Variants in CELF2 observed in about 807,000 individuals in gnomAD.
CELF2 encodes the protein CUGBP Elav-like family member 2.
CELF2 carries 8 observed loss-of-function variants against 62.6 expected under a neutral mutation model. The ratio of observed to expected loss-of-function variants is 0.13; its 90% CI spans 0.07 to 0.23. CELF2 has a LOEUF of 0.23. CELF2 is among the 10% of genes least tolerant of loss of function. The pLI, the probability that CELF2 is intolerant of heterozygous loss-of-function variation, is 1.00. For synonymous variants in CELF2, 258 were observed against 250.0 expected, an observed-to-expected ratio of 1.03 and a Z score of -0.30; for missense variants, 333 against 671.0, an observed-to-expected ratio of 0.50 and a Z score of 5.56.
intron 1 of CELF2, among the ~76,000 whole-genome samples, chr10:10,860,719 G>T (rs772234597): frequency 6.6e-6 from 1 of 152,214 alleles, no homozygotes; most frequent in African/African-American, 2.4e-5. Context: ...AACGTGGCAG[G>T]CAGTATTTAT....
At chr10:10,669,941 C>T in the CELF2 span, among the ~76,000 whole-genome samples, 1 of 127,736 alleles carries the variant, frequency 7.8e-6, no homozygotes, top group South Asian at 2.6e-4. Context: ...TTGCTCTTGT[C>T]ACTCAGGCTG....
the CELF2 span, among the ~76,000 whole-genome samples, chr10:10,751,018 G>A: frequency 1.3e-5 from 2 of 152,214 alleles, no homozygotes; most frequent in African/African-American, 2.4e-5. Context: ...ATAATTGTTT[G>A]AGGATTTCGA....
chr10:10,685,790 A>C, the CELF2 span, among the ~76,000 whole-genome samples: 1 of 152,306 alleles, frequency 6.6e-6, no homozygotes, highest in African/African-American at 2.4e-5. Flanking sequence ...TACTTTCATG[A>C]GCTAAATAAA....
At chr10:10,630,441 G>A in the CELF2 span, among the ~76,000 whole-genome samples, 5 of 152,140 alleles carry the variant, frequency 3.3e-5, no homozygotes, top group Non-Finnish European at 7.3e-5. Flanking sequence ...AGACCACTGG[G>A]ATCTCTATCT....
chr10:10,486,990 A>G, the CELF2 span, among the ~76,000 whole-genome samples: 2 of 152,284 alleles, frequency 1.3e-5, no homozygotes, highest in Admixed American at 1.3e-4. Flanking sequence ...ATAAAATTAA[A>G]TTTCCCTGTC....
At chr10:11,175,292 G>A (rs924569155) in intron 2 of CELF2, among the ~76,000 whole-genome samples, 6 of 152,070 alleles carry the variant, frequency 3.9e-5, no homozygotes, top group African/African-American at 1.4e-4. Context: ...AGGTCTAGGA[G>A]GTTAACTTAA....
intron 1 of CELF2, among the ~76,000 whole-genome samples, chr10:10,813,029 C>G (rs527414930): frequency 1.6e-4 from 25 of 152,316 alleles, no homozygotes; most frequent in Admixed American, 9.1e-4. Context: ...CGAATCCCAC[C>G]TCTGAGTGAT....
intron 1 of CELF2, among the ~76,000 whole-genome samples, chr10:11,103,272 G>A (rs929097303): frequency 6.6e-5 from 10 of 151,252 alleles, no homozygotes; most frequent in South Asian, 4.2e-4. Context: ...GCTTCTGTTC[G>A]TCATTCAAGA....
At chr10:10,726,298 G>T in the CELF2 span, among the ~76,000 whole-genome samples, 1 of 152,150 alleles carries the variant, frequency 6.6e-6, no homozygotes, top group Non-Finnish European at 1.5e-5. Flanking sequence ...TTTGGCTGGT[G>T]TCCAGGGGTC....
At chr10:10,634,204 ATTTC>A in the CELF2 span, among the ~76,000 whole-genome samples, 1 of 152,054 alleles carries the variant, frequency 6.6e-6, no homozygotes, top group Admixed American at 6.5e-5. Flanking sequence ...TACATTTTTT[ATTTC>A]TTTAAGTTTT....
In CELF2 at chr10:11,280,391, C is replaced by T. The variant is rs2087944154; in HGVS notation, c.841+5271C>T. Among the ~76,000 whole-genome samples, 1 of 152,128 alleles carries T rather than the reference C, an allele frequency of 6.6e-6. No individual in the cohort carries two copies. Among genetic ancestry groups the T allele is most frequent in the African/African-American group, 2.4e-5 (1 of 41,428 alleles). ...TCACCCAGATGCCCTGGCTGGTGTC[C>T]GCACATCAGGCCAGTGCCTTTCCCC... is the stretch of plus-strand genomic sequence containing the variant. On this transcript the variant is annotated intron_variant, in intron 8 of 12. Transcript: ENST00000633077. The surrounding 1 kb of genome is among the most constrained non-coding windows in gnomAD (Gnocchi z 7.6).
At chr10:10,636,938 C>T in the CELF2 span, among the ~76,000 whole-genome samples, 3 of 152,128 alleles carry the variant, frequency 2.0e-5, no homozygotes, top group Non-Finnish European at 2.9e-5. Flanking sequence ...CGTGTCTCCT[C>T]CTAGGGATTA....
chr10:10,462,615 C>CT, the CELF2 span, among the ~76,000 whole-genome samples: 21,125 of 69,270 alleles, frequency 0.3, 2,820 homozygotes, highest in Non-Finnish European at 0.36. Flanking sequence ...TTTTTTTCAT[C>CT]TTTTTTTTTT....
At chr10:11,235,385 G>C (rs1023244254) in intron 3 of CELF2, among the ~76,000 whole-genome samples, 1 of 152,082 alleles carries the variant, frequency 6.6e-6, no homozygotes, top group African/African-American at 2.4e-5. Context: ...TTTCAGTTAC[G>C]TGCGGTATAT....
chr10:11,201,768 T>G (rs2059265559), intron 2 of CELF2, among the ~76,000 whole-genome samples: 1 of 152,222 alleles, frequency 6.6e-6, no homozygotes, highest in South Asian at 2.1e-4. Flanking sequence ...CTGGAAAGCC[T>G]GAGCTGAGGG....
chr10:11,170,789 A>G (rs1048432673), intron 2 of CELF2, among the ~76,000 whole-genome samples: 1 of 152,194 alleles, frequency 6.6e-6, no homozygotes, highest in African/African-American at 2.4e-5. Context: ...TAGATAAATT[A>G]TGTGCTTTGG....
rs983226834 is a variant in CELF2, at chr10:11,309,734, CCT to C, written c.977-4400_977-4399del. Reference sequence around the variant, plus strand: ...TCTTTCTGGCTGTCCCTTTCCCTGCCCTCTCTGCTAAGCTTTCAGCTGGTCTA... The same window carrying C: ...TCTTTCTGGCTGTCCCTTTCCCTGCCCTCTGCTAAGCTTTCAGCTGGTCTA... On this transcript the variant is annotated intron_variant, in intron 9 of 12. Coordinates refer to ENST00000633077, the MANE Select transcript of CELF2 (RefSeq NM_001326342.2). The surrounding 1 kb of genome is among the most constrained non-coding windows in gnomAD (Gnocchi z 5.6). Among the ~76,000 whole-genome samples, 1 of 152,154 alleles carries C rather than the reference CCT, an allele frequency of 6.6e-6. No individual in the cohort carries two copies. Among genetic ancestry groups the C allele is most frequent in the African/African-American group, 2.4e-5 (1 of 41,438 alleles).
At chr10:10,627,873 T>C in the CELF2 span, among the ~76,000 whole-genome samples, 2 of 152,208 alleles carry the variant, frequency 1.3e-5, no homozygotes, top group African/African-American at 4.8e-5. Flanking sequence ...ACATATTATT[T>C]GGAACCATGC....
At chr10:10,850,423 C>T (rs1687049217) in intron 1 of CELF2, among the ~76,000 whole-genome samples, 1 of 152,190 alleles carries the variant, frequency 6.6e-6, no homozygotes, top group Non-Finnish European at 1.5e-5. Flanking sequence ...AGACATGGCC[C>T]TTGAGTATTG....
Sources: gnomAD v4.1 joint callset for allele counts (sites outside exome capture counted in the v4.1 genomes callset) on GRCh38, gnomAD v4.1.1 for gene constraint, Gnocchi (gnomAD v3.1) non-coding constraint, MANE v1.5 for transcripts, NCBI Gene and HGNC (gene_info 2026-07-23, HGNC 2026-07-21) for gene names.